OR4N2: variants seen among roughly 807,000 people sequenced by gnomAD.
OR4N2 encodes olfactory receptor 4N2.
For missense variants in OR4N2, 307 were observed against 377.6 expected, an observed-to-expected ratio of 0.81 and a Z score of 1.55; for synonymous variants, 141 against 140.4, an observed-to-expected ratio of 1.00 and a Z score of -0.03.
chr14:19,829,430 C>CA lies in OR4N2; in HGVS notation c.*1062dup, dbSNP rs1319910050. ...TTTAATATCGAGAGTTAGGTGTTCA[C>CA]AAAATCACTGGAAAGTCTAAAAGAG... On this transcript the variant is annotated 3_prime_UTR_variant, in exon 2 of 2. Coordinates refer to ENST00000557677, the MANE Select transcript of OR4N2 (RefSeq NM_001004723.3). 1 of 152,258 alleles carries CA rather than the reference C, an allele frequency of 6.6e-6. No homozygotes were observed. The highest frequency in any genetic ancestry group is 1.9e-4 in the East Asian group (1 of 5,202). 9.4% of individuals were successfully genotyped at this position (152,258 alleles called of 1,614,324 possible).
At chr14:19,809,076 T>C (rs1405714252) in intron 1 of OR4N2, among the ~76,000 whole-genome samples, 4 of 152,036 alleles carry the variant, frequency 2.6e-5, no homozygotes, top group African/African-American at 9.7e-5. Flanking sequence ...GTCTGTAGCC[T>C]AAGAACATTC....
intron 1 of OR4N2, among the ~76,000 whole-genome samples, chr14:19,820,374 G>T (rs1202581218): frequency 6.6e-6 from 1 of 152,254 alleles, no homozygotes; most frequent in East Asian, 1.9e-4. Flanking sequence ...TCATTGTAAT[G>T]TCAGAGGGTC....
At chr14:19,807,093 A>T (rs1879182116) in intron 1 of OR4N2, among the ~76,000 whole-genome samples, 1 of 57,636 alleles carries the variant, frequency 1.7e-5, no homozygotes. Flanking sequence ...AGTAAATAAG[A>T]TAAGAGGAAA....
intron 1 of OR4N2, among the ~76,000 whole-genome samples, chr14:19,813,590 TA>T (rs1259545595): frequency 1.3e-5 from 2 of 152,236 alleles, no homozygotes; most frequent in Non-Finnish European, 2.9e-5. Context: ...TAGGTCATGG[TA>T]AACAATTACA....
intron 1 of OR4N2, among the ~76,000 whole-genome samples, chr14:19,819,520 T>G (rs1879510451): frequency 6.6e-6 from 1 of 152,294 alleles, no homozygotes; most frequent in Non-Finnish European, 1.5e-5. Context: ...TCTTGTGCTG[T>G]GTTTTTCAGC....
At chr14:19,811,355 TC>T (rs1879290751) in intron 1 of OR4N2, among the ~76,000 whole-genome samples, 1 of 152,250 alleles carries the variant, frequency 6.6e-6, no homozygotes, top group South Asian at 2.1e-4. Context: ...AATGCCATTC[TC>T]CTGCCTCAGC....
intron 1 of OR4N2, among the ~76,000 whole-genome samples, chr14:19,818,714 T>C (rs1303337176): frequency 6.6e-6 from 1 of 152,218 alleles, no homozygotes; most frequent in Non-Finnish European, 1.5e-5. Flanking sequence ...GTGAATTTGA[T>C]CCTGTAATTA....
At chr14:19,818,667 C>T (rs1203923396) in intron 1 of OR4N2, among the ~76,000 whole-genome samples, 2 of 152,076 alleles carry the variant, frequency 1.3e-5, no homozygotes, top group African/African-American at 4.8e-5. Context: ...TAACTGGGGA[C>T]TTAACCCATT....
At chr14:19,808,837 A>G (rs1175387452) in intron 1 of OR4N2, among the ~76,000 whole-genome samples, 4 of 146,908 alleles carry the variant, frequency 2.7e-5, no homozygotes, top group Admixed American at 1.3e-4. Context: ...AAAAAAAGTA[A>G]AAAAAATGAA....
intron 1 of OR4N2, among the ~76,000 whole-genome samples, chr14:19,808,740 CA>C (rs1190321348): frequency 3.6e-4 from 54 of 151,452 alleles, no homozygotes; most frequent in African/African-American, 1.3e-3. Flanking sequence ...CATACAGAGC[CA>C]AAAAAGCCTG....
At position 19,815,795 on chromosome 14, in the gene OR4N2, T is replaced by C. The variant is rs565055224; in HGVS notation, c.-9-11645T>C. Reference sequence around the variant, plus strand: ...GCCCATGCCTATGTCCTGAATGGTATTGGCTAGGTTTTCTTTTAGGGTTTT... The same window carrying C: ...GCCCATGCCTATGTCCTGAATGGTACTGGCTAGGTTTTCTTTTAGGGTTTT... On this transcript the variant is annotated intron_variant, in intron 1 of 1. Coordinates refer to ENST00000557677, the MANE Select transcript of OR4N2 (RefSeq NM_001004723.3). 3.3e-5 allele frequency among the ~76,000 whole-genome samples: 5 copies of C among 152,340 alleles called. No homozygotes were observed. The South Asian group carries it at 1.0e-3, about 32-fold the overall frequency.
At chr14:19,816,642 T>A (rs1214967379) in intron 1 of OR4N2, among the ~76,000 whole-genome samples, 1 of 152,210 alleles carries the variant, frequency 6.6e-6, no homozygotes, top group Non-Finnish European at 1.5e-5. Flanking sequence ...ATCTGCAAAC[T>A]TTGACAATTT....
intron 1 of OR4N2, among the ~76,000 whole-genome samples, chr14:19,816,782 A>G (rs1879438304): frequency 6.6e-6 from 1 of 152,264 alleles, no homozygotes; most frequent in African/African-American, 2.4e-5. Context: ...TGGTTTTCAA[A>G]GAGAATGCTT....
chr14:19,806,462 T>C (rs1400930404), intron 1 of OR4N2, among the ~76,000 whole-genome samples: 1 of 152,034 alleles, frequency 6.6e-6, no homozygotes, highest in Non-Finnish European at 1.5e-5. Context: ...CCAACAACAA[T>C]TACCAAGGAC....
chr14:19,807,198 C>A (rs1879184967), intron 1 of OR4N2, among the ~76,000 whole-genome samples: 1 of 150,230 alleles, frequency 6.7e-6, no homozygotes, highest in Admixed American at 6.6e-5. Context: ...AAAAAAAGCT[C>A]AAAGCTAGCA....
chr14:19,804,146 C>A (rs1413919212), intron 1 of OR4N2, among the ~76,000 whole-genome samples: 1 of 152,184 alleles, frequency 6.6e-6, no homozygotes, highest in Non-Finnish European at 1.5e-5. Flanking sequence ...TCTGAAGAAA[C>A]AAAACCTGGA....
chr14:19,821,633 G>T (rs1312575886), intron 1 of OR4N2, among the ~76,000 whole-genome samples: 2 of 152,150 alleles, frequency 1.3e-5, no homozygotes, highest in East Asian at 1.9e-4. Flanking sequence ...TCTGAATAGG[G>T]TTCTGTCTTT....
At chr14:19,825,668 G>A (rs1470333067) in intron 1 of OR4N2, among the ~76,000 whole-genome samples, 38 of 152,184 alleles carry the variant, frequency 2.5e-4, no homozygotes, top group African/African-American at 9.2e-4. Context: ...CCATTCTCCT[G>A]CCTCAGCCTC....
chr14:19,825,889 T>C (rs1443538851), intron 1 of OR4N2, among the ~76,000 whole-genome samples: 5 of 152,352 alleles, frequency 3.3e-5, no homozygotes, highest in African/African-American at 9.6e-5. Flanking sequence ...AAATACACTG[T>C]TTAGTTAAAT....
Sources: allele counts gnomAD v4.1 joint callset (sites outside exome capture counted in the v4.1 genomes callset), GRCh38; gene constraint gnomAD v4.1.1; transcripts MANE v1.5; gene names NCBI Gene and HGNC (gene_info 2026-07-23, HGNC 2026-07-21).